The following ELAPOR2 variants were observed in gnomAD, a reference collection of about 807,000 sequenced individuals.
The protein encoded by ELAPOR2 is endosome-lysosome associated apoptosis and autophagy regulator family member 2.
ELAPOR2 carries 89 observed loss-of-function variants against 120.7 expected under a neutral mutation model. The ratio of observed to expected loss-of-function variants is 0.74; its 90% CI spans 0.62 to 0.88. The LOEUF is 0.88. Ranked by LOEUF, ELAPOR2 falls within the 40% of genes least tolerant of loss-of-function variation. The pLI, the probability that ELAPOR2 is intolerant of heterozygous loss-of-function variation, is 0.00. For missense variants in ELAPOR2, 1,134 were observed against 1,251.6 expected (o/e 0.91, Z 1.42); for synonymous variants, 444 against 444.9 (o/e 1.00, Z 0.03).
intron 1 of ELAPOR2, among the ~76,000 whole-genome samples, chr7:86,997,050 G>A (rs774403052): frequency 1.4e-4 from 21 of 152,040 alleles, no homozygotes; most frequent in Non-Finnish European, 2.4e-4. Flanking sequence ...TACTTTACAT[G>A]TCCCTCTCTC....
At chr7:86,907,112 A>C (rs1219801437) in intron 18 of ELAPOR2, among the ~76,000 whole-genome samples, 1 of 152,082 alleles carries the variant, frequency 6.6e-6, no homozygotes, top group Non-Finnish European at 1.5e-5. Flanking sequence ...CTTAATGCTA[A>C]TTTGTGTTAA....
chr7:87,000,125 C>A (rs1354751251), intron 1 of ELAPOR2, among the ~76,000 whole-genome samples: 1 of 152,126 alleles, frequency 6.6e-6, no homozygotes, highest in Non-Finnish European at 1.5e-5. Context: ...AGCCATCACA[C>A]CCCTCTTTGT....
chr7:86,971,269 C>G (rs1201200270), intron 1 of ELAPOR2, among the ~76,000 whole-genome samples: 1 of 152,118 alleles, frequency 6.6e-6, no homozygotes, highest in African/African-American at 2.4e-5. Flanking sequence ...GTCTATGTTC[C>G]ATATTTTCAC....
intron 10 of ELAPOR2, chr7:86,919,803 A>G (rs1789742383): frequency 6.5e-6 from 1 of 152,786 alleles, no homozygotes; most frequent in South Asian, 2.1e-4. Context: ...GAACTATGAC[A>G]TGCACTGGGA....
At position 86,913,009 on chromosome 7, in the gene ELAPOR2, G is replaced by T. The variant is rs748775472; in HGVS notation, c.1927C>A (p.Leu643Met). 1 of 1,614,074 alleles carries T rather than the reference G, an allele frequency of 6.2e-7. No homozygotes were observed. The highest frequency in any genetic ancestry group is 8.5e-7 in the Non-Finnish European group (1 of 1,179,984). The change falls in exon 14 of 22, where the codon CTG becomes ATG. Residue 643 changes from leucine (L) to methionine (M), a missense_variant. Physicochemically the swap from Leu to Met is conservative, Grantham distance 15. Transcript: ENST00000450689. ...QCKECPPDTYLSIHQVYGKEA... is the reference protein window; with the variant it reads ...QCKECPPDTYMSIHQVYGKEA... ...TTGCCATAGACCTGATGTATGGACA[G>T]GTAGGTGTCAGGTGGACATTCCTTG...
chr7:86,997,524 C>T (rs903239540), intron 1 of ELAPOR2, among the ~76,000 whole-genome samples: 11 of 152,144 alleles, frequency 7.2e-5, no homozygotes, highest in African/African-American at 2.7e-4. Flanking sequence ...ACCAATTTCT[C>T]CATACTTTAA....
chr7:86,938,727 A>G lies in ELAPOR2; in HGVS notation c.1000+81T>C, dbSNP rs1040365872. ...TCAGGCACCACTGCTGTCATACTTT[A>G]TGGGTGACTTCTGGTTTATAAATGT... On this transcript the variant is annotated intron_variant, in intron 7 of 21. Coordinates refer to ENST00000450689, the MANE Select transcript of ELAPOR2 (RefSeq NM_001142749.3). 9.6e-6 allele frequency: 14 copies of G among 1,457,382 alleles called. No homozygotes were observed. The African/African-American group carries it at 1.7e-4, about 17-fold the overall frequency. The allele number at this position is 1,457,382 out of a possible 1,614,324, so 90.3% of individuals were successfully genotyped here.
At chr7:86,932,287 G>T (rs1790362032) in intron 8 of ELAPOR2, among the ~76,000 whole-genome samples, 1 of 151,860 alleles carries the variant, frequency 6.6e-6, no homozygotes, top group Non-Finnish European at 1.5e-5. Context: ...AAAATAATTT[G>T]TTCTATATTG....
rs181690911 is a variant in ELAPOR2 at position 87,058,583 on chromosome 7, T to C, written c.189+742A>G. On this transcript the variant is annotated intron_variant, in intron 1 of 21. Transcript: ENST00000450689. The stretch of plus-strand genomic sequence containing the variant: ...AGCCAGATAAAAATCTCATCTCCCA[T>C]AGTTTATCCTTTTTGGCTGTAAAAC... Among the ~76,000 whole-genome samples, 220 of 152,300 alleles carry C rather than the reference T, an allele frequency of 1.4e-3. 1 individual carries two copies. Among genetic ancestry groups the C allele is most frequent in the African/African-American group, 5.1e-3 (212 of 41,566 alleles).
chr7:87,058,788 A>G (rs1795341763), intron 1 of ELAPOR2, among the ~76,000 whole-genome samples: 1 of 152,060 alleles, frequency 6.6e-6, no homozygotes, highest in Non-Finnish European at 1.5e-5. Flanking sequence ...ATTTTGTCAG[A>G]AGGATGCTAA....
At chr7:87,022,187 T>C (rs1222231736) in intron 1 of ELAPOR2, among the ~76,000 whole-genome samples, 2 of 151,860 alleles carry the variant, frequency 1.3e-5, no homozygotes, top group African/African-American at 4.8e-5. Flanking sequence ...AATTAACTCG[T>C]CATTTAACAT....
intron 1 of ELAPOR2, among the ~76,000 whole-genome samples, chr7:87,048,200 C>T (rs1382387187): frequency 6.6e-6 from 1 of 150,628 alleles, no homozygotes; most frequent in Non-Finnish European, 1.5e-5. Context: ...GCCGAGATTG[C>T]ACCACTGCAC....
At chr7:87,004,230 G>A (rs934935261) in intron 1 of ELAPOR2, among the ~76,000 whole-genome samples, 1 of 152,162 alleles carries the variant, frequency 6.6e-6, no homozygotes, top group South Asian at 2.1e-4. Context: ...TCCTGGATGG[G>A]TGGGGGACAA....
intron 1 of ELAPOR2, among the ~76,000 whole-genome samples, chr7:87,010,891 T>C (rs11771155): frequency 0.38 from 57,464 of 151,844 alleles, 11,718 homozygotes; most frequent in African/African-American, 0.53. Flanking sequence ...CAAGTTTATA[T>C]GAGTAAAATG....
At position 86,912,279 on chromosome 7, in the gene ELAPOR2, A is replaced by T. The variant is rs747768684; in HGVS notation, c.1996-34T>A. The T allele has an allele frequency of 1.5e-5, 21 of 1,419,954 alleles. No individual in the cohort carries two copies. The South Asian group carries it at 2.7e-4, about 19-fold the overall frequency. The allele number at this position is 1,419,954 out of a possible 1,614,324, so 88.0% of individuals were successfully genotyped here. The stretch of plus-strand genomic sequence containing the variant: ...AAAGATAAAGAAACAATATAGCAGG[A>T]AAGAAAATATTAGCTGCTACTAAAA... On this transcript the variant is annotated intron_variant, in intron 14 of 21. Transcript: ENST00000450689.
intron 2 of ELAPOR2, among the ~76,000 whole-genome samples, chr7:86,960,399 C>T (rs966623719): frequency 1.2e-4 from 19 of 152,046 alleles, no homozygotes; most frequent in Admixed American, 2.6e-4. Flanking sequence ...TACAGGTGCA[C>T]GCCACCACAC....
chr7:87,000,381 C>G (rs968794918), intron 1 of ELAPOR2, among the ~76,000 whole-genome samples: 1 of 141,238 alleles, frequency 7.1e-6, no homozygotes, highest in Non-Finnish European at 1.5e-5. Context: ...TCCCAAACCC[C>G]TTTCCCAGTA....
intron 1 of ELAPOR2, among the ~76,000 whole-genome samples, chr7:87,019,143 A>G (rs1793960496): frequency 6.6e-6 from 1 of 152,108 alleles, no homozygotes; most frequent in South Asian, 2.1e-4. Context: ...CAAGATTTAC[A>G]TCTTCATTGT....
intron 1 of ELAPOR2, among the ~76,000 whole-genome samples, chr7:87,010,350 C>T (rs528487218): frequency 3.0e-4 from 46 of 152,146 alleles, no homozygotes; most frequent in Admixed American, 8.5e-4. Flanking sequence ...TGAAAATGTA[C>T]TATCAGAAGT....
Sources: gnomAD v4.1 joint callset for allele counts (sites outside exome capture counted in the v4.1 genomes callset) on GRCh38, gnomAD v4.1.1 for gene constraint, MANE v1.5 for transcripts, NCBI Gene and HGNC (gene_info 2026-07-23, HGNC 2026-07-21) for gene names.